RALGAPA1: variants seen among roughly 807,000 people sequenced by gnomAD.
RALGAPA1 encodes Ral GTPase activating protein catalytic subunit alpha 1, also known as ral GTPase-activating protein subunit alpha-1.
Under a neutral mutation model 269.6 loss-of-function variants are expected in RALGAPA1, and 52 were observed. The ratio of observed to expected loss-of-function variants is 0.19; its 90% CI spans 0.15 to 0.24. RALGAPA1 has a LOEUF of 0.24. RALGAPA1 is among the 10% of genes least tolerant of loss of function. The pLI is 1.00. For missense variants in RALGAPA1, 1,917 were observed against 3,013.9 expected (o/e 0.64, Z 8.52); for synonymous variants, 817 against 1,008.3 (o/e 0.81, Z 3.60).
chr14:35,582,209 G>T (rs1181549862), intron 37 of RALGAPA1, among the ~76,000 whole-genome samples: 1 of 152,166 alleles, frequency 6.6e-6, no homozygotes, highest in Non-Finnish European at 1.5e-5. Flanking sequence ...GTTACCAGGG[G>T]TAGTGGAAGG....
intron 26 of RALGAPA1, among the ~76,000 whole-genome samples, chr14:35,666,352 T>C (rs1281330675): frequency 2.0e-5 from 3 of 152,178 alleles, no homozygotes; most frequent in Non-Finnish European, 4.4e-5. Context: ...CCCCTTAATG[T>C]CTCAGGTACA....
chr14:35,652,614 A>T (rs1221281521), intron 30 of RALGAPA1, among the ~76,000 whole-genome samples: 1 of 152,000 alleles, frequency 6.6e-6, no homozygotes, highest in South Asian at 2.1e-4. Flanking sequence ...CATGTTGGCC[A>T]GGCTGGTCTC....
At chr14:35,624,035 C>G (rs538328951) in intron 35 of RALGAPA1, among the ~76,000 whole-genome samples, 26 of 150,260 alleles carry the variant, frequency 1.7e-4, no homozygotes, top group Admixed American at 1.7e-3. Context: ...TGCAGTGAGC[C>G]GAGATCGCAC....
intron 35 of RALGAPA1, among the ~76,000 whole-genome samples, chr14:35,606,939 T>A (rs528203701): frequency 6.6e-6 from 1 of 152,172 alleles, no homozygotes; most frequent in Non-Finnish European, 1.5e-5. Flanking sequence ...CTTTAGGTGA[T>A]GAGCACATAG....
intron 28 of RALGAPA1, among the ~76,000 whole-genome samples, chr14:35,657,224 T>C (rs1488394983): frequency 6.6e-6 from 1 of 151,440 alleles, no homozygotes; most frequent in Non-Finnish European, 1.5e-5. Context: ...TCTCACTCTG[T>C]CTTGCCCAGG....
chr14:35,780,486 A>G (rs1232494537), intron 1 of RALGAPA1, among the ~76,000 whole-genome samples: 1 of 152,274 alleles, frequency 6.6e-6, no homozygotes, highest in African/African-American at 2.4e-5. Context: ...AATAAACTTC[A>G]GTAATTTAAA....
chr14:35,686,199 A>C (rs1441701333), intron 19 of RALGAPA1, among the ~76,000 whole-genome samples: 4 of 151,552 alleles, frequency 2.6e-5, no homozygotes, highest in Non-Finnish European at 4.4e-5. Context: ...CTCCATTGCT[A>C]TCTTTCCCAT....
At position 35,611,456 on chromosome 14, in the gene RALGAPA1, C is replaced by T. The variant is rs544704323; in HGVS notation, c.6930-5747G>A. ...GGTGGAGGATGCAGTGAGCTGAGAT[C>T]ATGCCACTGCACTCCAGCCTAGTGA... On this transcript the variant is annotated intron_variant, in intron 35 of 41. Transcript: ENST00000680220. Among the ~76,000 whole-genome samples, 8 of 150,670 alleles carry T rather than the reference C, an allele frequency of 5.3e-5. No individual in the cohort carries two copies. The East Asian group carries it at 7.8e-4, about 15-fold the overall frequency.
At chr14:35,580,353 A>C (rs953444917) in intron 37 of RALGAPA1, among the ~76,000 whole-genome samples, 3 of 152,206 alleles carry the variant, frequency 2.0e-5, no homozygotes, top group Non-Finnish European at 4.4e-5. Context: ...CAATGCTTGC[A>C]GCACTTTTGA....
rs964170621 is a variant in RALGAPA1, at chr14:35,562,155, G to A, written c.7496+8462C>T. Among the ~76,000 whole-genome samples, 8 of 152,250 alleles carry A rather than the reference G, an allele frequency of 5.3e-5. No individual in the cohort carries two copies. In the East Asian group the frequency reaches 1.4e-3, roughly 26 times the overall value. ...TTCATAGAAAGCATGAAGAACAAAT[G>A]GCACAAAATTTTGAGAGCTCCTAAT... On this transcript the variant is annotated intron_variant, in intron 39 of 41. Transcript: ENST00000680220.
chr14:35,585,524 G>C (rs1057422426), intron 37 of RALGAPA1, among the ~76,000 whole-genome samples: 2 of 152,090 alleles, frequency 1.3e-5, no homozygotes, highest in Non-Finnish European at 2.9e-5. Context: ...AGTTAAAAAT[G>C]GTTTAAAAAA....
At chr14:35,739,546 A>G (rs1478877753) in intron 11 of RALGAPA1, among the ~76,000 whole-genome samples, 1 of 152,052 alleles carries the variant, frequency 6.6e-6, no homozygotes, top group Non-Finnish European at 1.5e-5. Flanking sequence ...ATTCCCCCCA[A>G]TTCCTGCCAA....
At chr14:35,632,266 A>T (rs2061404480) in intron 33 of RALGAPA1, among the ~76,000 whole-genome samples, 2 of 152,200 alleles carry the variant, frequency 1.3e-5, no homozygotes, top group Admixed American at 1.3e-4. Context: ...TCTAGTTTAG[A>T]TATTTAAAAT....
chr14:35,654,615 A>G, intron 29 of RALGAPA1, 138 bp from the exon 30 acceptor site: 1 of 1,067,090 alleles, frequency 9.4e-7, no homozygotes, highest in Non-Finnish European at 1.3e-6. Flanking sequence ...ATAAATCTCT[A>G]GCTGCAAAAT....
At chr14:35,730,624 C>T (rs2070387578) in intron 12 of RALGAPA1, among the ~76,000 whole-genome samples, 1 of 152,126 alleles carries the variant, frequency 6.6e-6, no homozygotes, top group Non-Finnish European at 1.5e-5. Context: ...TCCCTGAGTT[C>T]CCTGACAACC....
At chr14:35,618,622 G>A (rs1008737191) in intron 35 of RALGAPA1, among the ~76,000 whole-genome samples, 14 of 152,012 alleles carry the variant, frequency 9.2e-5, no homozygotes, top group Non-Finnish European at 1.8e-4. Context: ...GCAATAAGAC[G>A]TGATATAAGC....
intron 12 of RALGAPA1, among the ~76,000 whole-genome samples, chr14:35,729,285 T>C (rs1281123247): frequency 1.3e-5 from 2 of 152,076 alleles, no homozygotes; most frequent in Non-Finnish European, 2.9e-5. Context: ...TGGAAAAAAC[T>C]GATTATCACT....
intron 12 of RALGAPA1, among the ~76,000 whole-genome samples, chr14:35,737,912 A>G (rs910459722): frequency 6.6e-6 from 1 of 151,162 alleles, no homozygotes; most frequent in Non-Finnish European, 1.5e-5. Context: ...ACATGGTGAA[A>G]CCTTGTCTCC....
In RALGAPA1 at chr14:35,794,734, C is replaced by T. The variant is rs1345813713; in HGVS notation, c.106+13996G>A. ...GCCTCCCAAAGTGCTGGGATTAAGG[C>T]GTGAGCCACTGTGACCGGCCAATCC... On this transcript the variant is annotated intron_variant, in intron 1 of 41. Transcript: ENST00000680220. Among the ~76,000 whole-genome samples, 5 of 152,172 alleles carry T rather than the reference C, an allele frequency of 3.3e-5. No individual in the cohort carries two copies. In the East Asian group the frequency reaches 5.8e-4, roughly 18 times the overall value.
Sources: allele counts gnomAD v4.1 joint callset (sites outside exome capture counted in the v4.1 genomes callset), GRCh38; gene constraint gnomAD v4.1.1; transcripts MANE v1.5; gene names NCBI Gene and HGNC (gene_info 2026-07-23, HGNC 2026-07-21).